The following CEP70 variants were observed in gnomAD, a reference collection of about 807,000 sequenced individuals.
CEP70 encodes centrosomal protein of 70 kDa.
CEP70 carries 70 observed loss-of-function variants against 90.9 expected under a neutral mutation model. That is an observed-to-expected ratio of 0.77 (90% CI 0.64 to 0.94). The LOEUF is 0.94. CEP70 is among the 40% of genes least tolerant of loss of function. The pLI is 0.00. For synonymous variants in CEP70, 220 were observed against 228.3 expected (o/e 0.96, Z 0.33); for missense variants, 648 against 669.0 (o/e 0.97, Z 0.35).
intron 10 of CEP70, among the ~76,000 whole-genome samples, chr3:138,525,972 C>T (rs2037188770): frequency 6.6e-6 from 1 of 152,138 alleles, no homozygotes. Context: ...TCTTCTCCTT[C>T]CCATACCATA....
At chr3:138,544,307 C>T (rs564712919) in intron 6 of CEP70, among the ~76,000 whole-genome samples, 2 of 148,844 alleles carry the variant, frequency 1.3e-5, no homozygotes, top group East Asian at 3.9e-4. Flanking sequence ...AGGAAGAAAA[C>T]ACAATGAGAT....
chr3:138,566,420 T>C (rs1459112902), intron 6 of CEP70, among the ~76,000 whole-genome samples: 1 of 152,176 alleles, frequency 6.6e-6, no homozygotes, highest in African/African-American at 2.4e-5. Context: ...AACTTGGAAC[T>C]AACTCAAATG....
chr3:138,521,660 C>T (rs996682201), intron 11 of CEP70, among the ~76,000 whole-genome samples: 2 of 150,440 alleles, frequency 1.3e-5, no homozygotes, highest in African/African-American at 4.9e-5. Context: ...GCGACCCCGT[C>T]TGGGAACTGA....
At chr3:138,503,858 A>C (rs773911093) in intron 13 of CEP70, among the ~76,000 whole-genome samples, 31 of 152,114 alleles carry the variant, frequency 2.0e-4, no homozygotes, top group Non-Finnish European at 3.7e-4. Flanking sequence ...CCGGTAATCT[A>C]TTTTTATGTC....
intron 2 of CEP70, among the ~76,000 whole-genome samples, chr3:138,579,474 G>C (rs1054240840): frequency 6.6e-6 from 1 of 151,474 alleles, no homozygotes; most frequent in Non-Finnish European, 1.5e-5. Flanking sequence ...TGCTTGAGAA[G>C]ACAAGAGGGA....
At chr3:138,507,861 ATATCT>A (rs1458132703) in intron 12 of CEP70, among the ~76,000 whole-genome samples, 18 of 152,194 alleles carry the variant, frequency 1.2e-4, no homozygotes, top group Non-Finnish European at 2.1e-4. Flanking sequence ...AAAAAATAAA[ATATCT>A]TAATTTTTAA....
chr3:138,494,753 C>T lies in CEP70; in HGVS notation c.*262G>A. ...TTTACTCACAAACTCCACTCTAAAA[C>T]AACCTTAAATTTTAAGCACTCAATA... On this transcript the variant is annotated 3_prime_UTR_variant, in exon 18 of 18. Transcript: ENST00000264982. 3.8e-6 allele frequency: 1 copy of T among 260,016 alleles called. No homozygotes were observed. 16.1% of individuals were successfully genotyped at this position (260,016 alleles called of 1,614,324 possible). A position where few individuals can be genotyped will look rare whatever the true frequency, so the allele number is the denominator to read the frequency against.
chr3:138,501,560 G>A (rs1471067721), intron 13 of CEP70, among the ~76,000 whole-genome samples: 5 of 152,166 alleles, frequency 3.3e-5, no homozygotes, highest in African/African-American at 1.2e-4. Context: ...TTTTATGAAT[G>A]ACGTCTCTCA....
chr3:138,530,854 C>T, intron 8 of CEP70: 1 of 984,768 alleles, frequency 1.0e-6, no homozygotes, highest in Non-Finnish European at 1.2e-6. Context: ...CAGAATCTCA[C>T]TTTCAAGTTA....
At chr3:138,533,368 G>A (rs9817419) in intron 7 of CEP70, among the ~76,000 whole-genome samples, 61,795 of 151,926 alleles carry the variant, frequency 0.41, 13,120 homozygotes, top group Non-Finnish European at 0.45. Flanking sequence ...AAGGAATGAT[G>A]ATGGAAAAAA....
At chr3:138,557,593 C>T (rs1383447290) in intron 6 of CEP70, among the ~76,000 whole-genome samples, 1 of 152,184 alleles carries the variant, frequency 6.6e-6, no homozygotes, top group Non-Finnish European at 1.5e-5. Context: ...TTCAGCCAGT[C>T]CCTCTGTTTG....
At chr3:138,565,695 G>A (rs911379260) in intron 6 of CEP70, among the ~76,000 whole-genome samples, 6 of 151,590 alleles carry the variant, frequency 4.0e-5, no homozygotes, top group African/African-American at 1.5e-4. Context: ...AACTCAAGAT[G>A]GAATAAACAC....
rs560746308 is a variant in CEP70 at position 138,525,699 on chromosome 3, C to T, written c.870-135G>A. 2.2e-5 allele frequency: 8 copies of T among 369,554 alleles called. No individual in the cohort carries two copies. The South Asian group carries it at 8.3e-4, about 39-fold the overall frequency. The allele number at this position is 369,554 out of a possible 1,614,324, so 22.9% of individuals were successfully genotyped here. A position where few individuals can be genotyped will look rare whatever the true frequency, so the allele number is the denominator to read the frequency against. On this transcript the variant is annotated intron_variant, in intron 10 of 17. Coordinates refer to ENST00000264982, the MANE Select transcript of CEP70 (RefSeq NM_024491.4). Reference sequence around the variant, plus strand: ...TTAAGCTTCTGAAAATATTTCATGACTGCTAATTTGGAGTTTACTGGCCAT... The same window carrying T: ...TTAAGCTTCTGAAAATATTTCATGATTGCTAATTTGGAGTTTACTGGCCAT...
At chr3:138,495,206 T>C in intron 17 of CEP70, 130 bp from the exon 18 acceptor site, 1 of 582,774 alleles carries the variant, frequency 1.7e-6, no homozygotes, top group Non-Finnish European at 3.1e-6. Context: ...TTTGTGCACA[T>C]GAAGTTTTTC....
intron 2 of CEP70, among the ~76,000 whole-genome samples, chr3:138,575,429 C>G (rs2041445528): frequency 6.6e-6 from 1 of 152,098 alleles, no homozygotes; most frequent in Non-Finnish European, 1.5e-5. Context: ...TGAACAAAGC[C>G]TCCAAGAAAT....
chr3:138,515,293 T>C (rs985001180), intron 11 of CEP70, among the ~76,000 whole-genome samples: 3 of 151,966 alleles, frequency 2.0e-5, no homozygotes, highest in East Asian at 3.9e-4. Context: ...TTCATTAACA[T>C]TGAACTCATG....
At chr3:138,496,034 C>T (rs1404189071) in intron 17 of CEP70, 3 of 985,240 alleles carry the variant, frequency 3.0e-6, no homozygotes, top group African/African-American at 3.5e-5. Flanking sequence ...TCCAACCAGC[C>T]TAAGTTAGAA....
intron 2 of CEP70, among the ~76,000 whole-genome samples, chr3:138,586,101 G>C (rs377563607): frequency 6.6e-6 from 1 of 152,152 alleles, no homozygotes; most frequent in South Asian, 2.1e-4. Context: ...CCACAGAATG[G>C]GAGAAAATAT....
At chr3:138,555,517 C>T (rs577326371) in intron 6 of CEP70, among the ~76,000 whole-genome samples, 82 of 152,076 alleles carry the variant, frequency 5.4e-4, no homozygotes, top group African/African-American at 1.6e-3. Context: ...TCTATACATC[C>T]GACAAAGGAC....
Sources: allele counts gnomAD v4.1 joint callset (sites outside exome capture counted in the v4.1 genomes callset), GRCh38; gene constraint gnomAD v4.1.1; transcripts MANE v1.5; gene names NCBI Gene and HGNC (gene_info 2026-07-23, HGNC 2026-07-21).